The following TBL1Y variants were observed in gnomAD, a reference collection of about 807,000 sequenced individuals.
TBL1Y encodes F-box-like/WD repeat-containing protein TBL1Y.
In TBL1Y, 15 loss-of-function variants were observed where a neutral mutation model predicts 12.0. The observed-to-expected ratio is 1.25, with a 90% CI of 0.83 to 1.92. The LOEUF (loss-of-function observed/expected upper bound fraction) is 1.92. Ranked by LOEUF, TBL1Y falls within the 40% of genes most tolerant of loss-of-function variation. TBL1Y has a pLI of 0.00. For synonymous variants in TBL1Y, 53 were observed against 42.6 expected, an observed-to-expected ratio of 1.24 and a Z score of -0.95; for missense variants, 148 against 116.7, an observed-to-expected ratio of 1.27 and a Z score of -1.24.
At chrY:6,941,479 C>T (rs1011227827) in intron 2 of TBL1Y, among the ~76,000 whole-genome samples, 7 of 33,268 alleles carry the variant, frequency 2.1e-4, no homozygotes, top group Admixed American at 1.1e-3. Flanking sequence ...GAGATTGCGC[C>T]ACTGCATTCC....
At chrY:6,912,842 A>C in intron 2 of TBL1Y, among the ~76,000 whole-genome samples, 1 of 30,636 alleles carries the variant, frequency 3.3e-5, no homozygotes, top group Non-Finnish European at 7.9e-5. Flanking sequence ...AAAAAAAAAA[A>C]AAAAAAAAAA....
At chrY:6,993,235 T>TTCTC (rs2012384103) in intron 3 of TBL1Y, among the ~76,000 whole-genome samples, 1 of 26,140 alleles carries the variant, frequency 3.8e-5, no homozygotes, top group Non-Finnish European at 8.7e-5. Flanking sequence ...CTTTCTTTCT[T>TTCTC]TCTTTCTTTC....
intron 2 of TBL1Y, among the ~76,000 whole-genome samples, chrY:6,927,467 C>A (rs2011835285): frequency 3.0e-5 from 1 of 33,465 alleles, no homozygotes; most frequent in Non-Finnish European, 7.3e-5. Flanking sequence ...CTCAGTTGAT[C>A]ACCCGCCTTG....
chrY:7,087,628 C>A, intron 17 of TBL1Y, among the ~76,000 whole-genome samples, 196 bp downstream of exon 17: 2 of 33,231 alleles, frequency 6.0e-5, no homozygotes, highest in African/African-American at 1.2e-4. Context: ...TCCAGCAGCT[C>A]TTCTCCCTAA....
intron 3 of TBL1Y, among the ~76,000 whole-genome samples, chrY:6,991,517 C>G (rs187723852): frequency 3.1e-3 from 104 of 33,177 alleles, no homozygotes; most frequent in African/African-American, 0.011. Flanking sequence ...GAGGTGGGAT[C>G]TTAACCAACT....
chrY:7,066,264 C>T, intron 8 of TBL1Y, among the ~76,000 whole-genome samples: 5 of 34,505 alleles, frequency 1.4e-4, no homozygotes, highest in African/African-American at 5.6e-4. Flanking sequence ...AGCAAGGCAG[C>T]CTGTGCTCTC....
At chrY:7,080,065 T>G in intron 13 of TBL1Y, among the ~76,000 whole-genome samples, 1 of 20,008 alleles carries the variant, frequency 5.0e-5, no homozygotes, top group South Asian at 1.2e-3. Flanking sequence ...TTTTTTTTTT[T>G]TTTTTTTTTT....
intron 4 of TBL1Y, among the ~76,000 whole-genome samples, chrY:7,000,037 A>G: frequency 2.2e-4 from 7 of 31,524 alleles, no homozygotes; most frequent in African/African-American, 8.8e-4. Flanking sequence ...TCATGCTACA[A>G]TGTGCACTGT....
intron 7 of TBL1Y, among the ~76,000 whole-genome samples, chrY:7,063,155 G>A (rs1603046509): frequency 2.1e-4 from 7 of 33,696 alleles, no homozygotes; most frequent in Non-Finnish European, 5.2e-4. Context: ...AGTCCCCAGT[G>A]GGGAAATGTA....
chrY:7,049,963 C>T (rs778462791), intron 7 of TBL1Y, among the ~76,000 whole-genome samples: 7 of 33,829 alleles, frequency 2.1e-4, no homozygotes, highest in Non-Finnish European at 2.9e-4. Flanking sequence ...ACTTTTCAGA[C>T]GAAATATTTG....
intron 2 of TBL1Y, among the ~76,000 whole-genome samples, chrY:6,937,327 T>G (rs1018453728): frequency 2.7e-3 from 92 of 33,674 alleles, no homozygotes; most frequent in Admixed American, 0.025. Context: ...TCCCAGCACT[T>G]TGGGAGGCCG....
chrY:6,925,260 T>C (rs772775844), intron 2 of TBL1Y, among the ~76,000 whole-genome samples: 10 of 33,564 alleles, frequency 3.0e-4, no homozygotes, highest in Admixed American at 2.7e-3. Context: ...CATGCTGTGC[T>C]CTGATAAAAA....
chrY:7,059,849 G>A (rs976528315), intron 7 of TBL1Y, among the ~76,000 whole-genome samples: 1 of 33,077 alleles, frequency 3.0e-5, no homozygotes, highest in African/African-American at 1.2e-4. Context: ...GCTAAATTTC[G>A]CCTTTATATT....
chrY:6,961,191 TGCAGATA>T (rs2012123014), intron 2 of TBL1Y, among the ~76,000 whole-genome samples: 1 of 33,507 alleles, frequency 3.0e-5, no homozygotes, highest in Non-Finnish European at 7.4e-5. Flanking sequence ...TAGCGGCTCC[TGCAGATA>T]TAGGGAGACT....
At chrY:6,932,392 C>G in intron 2 of TBL1Y, among the ~76,000 whole-genome samples, 1 of 34,394 alleles carries the variant, frequency 2.9e-5, no homozygotes, top group African/African-American at 1.1e-4. Flanking sequence ...GAAGTCACCT[C>G]TTTGAGGTGT....
At position 7,026,299 on chromosome Y, in the gene TBL1Y, G is replaced by A. The variant is rs776492427; in HGVS notation, c.58+1157G>A. 2.4e-4 allele frequency among the ~76,000 whole-genome samples: 8 copies of A among 33,572 alleles called. No homozygotes were observed. The South Asian group carries it at 5.4e-3, about 23-fold the overall frequency. 90.1% of individuals were successfully genotyped at this position (33,572 alleles called of 37,273 possible). On this transcript the variant is annotated intron_variant, in intron 6 of 18. Coordinates refer to ENST00000383032, the MANE Select transcript of TBL1Y (RefSeq NM_033284.2). The stretch of plus-strand genomic sequence containing the variant: ...TTGTCAGACGCAGTATAAGCAATTG[G>A]TATACAAAACAAAATAGGTACTGCC...
intron 2 of TBL1Y, among the ~76,000 whole-genome samples, chrY:6,922,870 C>T (rs944983963): frequency 2.9e-5 from 1 of 34,708 alleles, no homozygotes; most frequent in Non-Finnish European, 7.3e-5. Context: ...GCGCCAAGTG[C>T]GGGGCCGCGG....
chrY:7,062,659 C>G, intron 7 of TBL1Y, among the ~76,000 whole-genome samples: 1 of 32,882 alleles, frequency 3.0e-5, no homozygotes, highest in Admixed American at 2.7e-4. Context: ...TGGGGTGAGG[C>G]TCAATTTCCG....
At chrY:7,071,203 C>T in intron 10 of TBL1Y, among the ~76,000 whole-genome samples, 1 of 33,670 alleles carries the variant, frequency 3.0e-5, no homozygotes, top group African/African-American at 1.2e-4. Context: ...TGCCTCTTCA[C>T]CTTAGGATTT....
Sources: allele counts gnomAD v4.1 joint callset (sites outside exome capture counted in the v4.1 genomes callset), GRCh38; gene constraint gnomAD v4.1.1; transcripts MANE v1.5; gene names NCBI Gene and HGNC (gene_info 2026-07-23, HGNC 2026-07-21).